ARHGEF7: variants seen among roughly 807,000 people sequenced by gnomAD.
The protein encoded by ARHGEF7 is PAK-interacting exchange factor beta.
ARHGEF7 carries 33 observed loss-of-function variants against 109.8 expected under a neutral mutation model. That is an observed-to-expected ratio of 0.30 (90% CI 0.23 to 0.40). The LOEUF is 0.40. Among genes scored for constraint, ARHGEF7 ranks in the 10% least tolerant of loss-of-function variants. ARHGEF7 has a pLI of 1.00. For synonymous variants in ARHGEF7, 458 were observed against 424.6 expected, an observed-to-expected ratio of 1.08 and a Z score of -0.97; for missense variants, 938 against 1,098.5, an observed-to-expected ratio of 0.85 and a Z score of 2.07.
chr13:111,136,706 C>T (rs1047662392), intron 1 of ARHGEF7, among the ~76,000 whole-genome samples: 4 of 152,154 alleles, frequency 2.6e-5, no homozygotes, highest in Non-Finnish European at 4.4e-5. Flanking sequence ...AGAGCAAACA[C>T]ATTCAAAAGC....
At chr13:111,283,594 A>C (rs1555401436) in intron 16 of ARHGEF7, among the ~76,000 whole-genome samples, 5 of 152,186 alleles carry the variant, frequency 3.3e-5, no homozygotes, top group Non-Finnish European at 7.4e-5. Context: ...TGCCATGCAC[A>C]GGGGGGCCTT....
intron 12 of ARHGEF7, chr13:111,275,975 C>T: frequency 2.6e-6 from 1 of 382,620 alleles, no homozygotes; most frequent in South Asian, 2.3e-5. Context: ...CCTGTGCACA[C>T]ATCCGCATGG....
At chr13:111,210,503 G>T (rs921697551) in intron 4 of ARHGEF7, among the ~76,000 whole-genome samples, 1 of 152,206 alleles carries the variant, frequency 6.6e-6, no homozygotes, top group Non-Finnish European at 1.5e-5. Flanking sequence ...TGATTGGGAC[G>T]CAGAGAAAGA....
chr13:111,133,256 C>T (rs1440957440), intron 1 of ARHGEF7, among the ~76,000 whole-genome samples: 3 of 151,868 alleles, frequency 2.0e-5, no homozygotes, highest in Admixed American at 6.6e-5. Context: ...CGCATATATA[C>T]ATACAGTATA....
At chr13:111,248,530 T>C (rs2089273731) in intron 8 of ARHGEF7, among the ~76,000 whole-genome samples, 1 of 152,330 alleles carries the variant, frequency 6.6e-6, no homozygotes, top group East Asian at 1.9e-4. Flanking sequence ...CTGGAGGTCC[T>C]GGATTTGCTC....
In ARHGEF7 at chr13:111,217,791, G is replaced by C. The variant is rs764919975; in HGVS notation, c.581G>C (p.Arg194Pro). The change falls in exon 5 of 22, where the codon CGT becomes CCT. Residue 194 changes from arginine to proline, a missense_variant. Physicochemically the swap from Arg to Pro is moderately radical, Grantham distance 103. Transcript: ENST00000646102. ...FSKGDVIHVT[R>P]VEEGGWWEGT... is the part of the protein sequence containing the mutation. ...AAAGGAGACGTCATCCATGTCACCC[G>C]TGTGGAAGAGGGAGGCTGGTGGGAG... The C allele has an allele frequency of 6.2e-7, 1 of 1,614,190 alleles. No homozygotes were observed. The highest frequency in any genetic ancestry group is 2.2e-5 in the East Asian group (1 of 44,884).
chr13:111,165,479 C>A (rs994355734), intron 2 of ARHGEF7, among the ~76,000 whole-genome samples: 4 of 152,188 alleles, frequency 2.6e-5, no homozygotes, highest in South Asian at 2.1e-4. Context: ...GTTTTGCCAC[C>A]GTGACAATGC....
rs1417458810 is a variant in ARHGEF7, at chr13:111,280,529, C to G, written c.1586-9C>G. The G allele has an allele frequency of 1.9e-6, 3 of 1,592,498 alleles. No individual in the cohort carries two copies. Among genetic ancestry groups the G allele is most frequent in the Non-Finnish European group, 2.6e-6 (3 of 1,170,574 alleles). On this transcript the variant is annotated splice_polypyrimidine_tract_variant and intron_variant, in intron 14 of 21. Coordinates refer to ENST00000646102, the MANE Select transcript of ARHGEF7 (RefSeq NM_001354046.2). ...TCCACTCGGCCTATTTTTTCCTTCT[C>G]TCCTATAGGGAGCATGATTGAGCGG...
intron 8 of ARHGEF7, chr13:111,265,515 C>T (rs2091543453): frequency 2.2e-6 from 1 of 455,986 alleles, no homozygotes; most frequent in Non-Finnish European, 4.4e-6. Flanking sequence ...GAAAGCAGTG[C>T]TCATGAAGGT....
At chr13:111,282,611 A>G (rs1328393905) in intron 15 of ARHGEF7, among the ~76,000 whole-genome samples, 2 of 152,224 alleles carry the variant, frequency 1.3e-5, no homozygotes, top group East Asian at 1.9e-4. Context: ...TTGGAACACA[A>G]CAGCAGTTTT....
chr13:111,183,057 T>G (rs1958096971), intron 2 of ARHGEF7, among the ~76,000 whole-genome samples: 1 of 152,160 alleles, frequency 6.6e-6, no homozygotes, highest in Non-Finnish European at 1.5e-5. Context: ...TCACGATGTT[T>G]TTCAGTTTAC....
intron 5 of ARHGEF7, among the ~76,000 whole-genome samples, chr13:111,223,843 A>G (rs1250746720): frequency 1.3e-5 from 2 of 150,140 alleles, no homozygotes; most frequent in South Asian, 2.1e-4. Flanking sequence ...GGTAAAACCC[A>G]TGGATTTCTA....
At chr13:111,270,681 A>C (rs937045589) in intron 9 of ARHGEF7, among the ~76,000 whole-genome samples, 1 of 152,330 alleles carries the variant, frequency 6.6e-6, no homozygotes, top group East Asian at 1.9e-4. Flanking sequence ...TGAAATATAA[A>C]TAATGACCTG....
At position 111,281,663 on chromosome 13, in the gene ARHGEF7, CGTGTGTTT is replaced by C. The variant is rs1459275118; in HGVS notation, c.1725+987_1725+994del. Among the ~76,000 whole-genome samples the C allele has an allele frequency of 1.5e-4, 23 of 152,262 alleles. No individual in the cohort carries two copies. In the South Asian group the frequency reaches 4.4e-3, roughly 29 times the overall value. The stretch of plus-strand genomic sequence containing the variant: ...TTTATCCCAGGGACGTGTGTGTACA[CGTGTGTTT>C]ATAAAGAACAGTGGATGAGCTGCTT... On this transcript the variant is annotated intron_variant, in intron 15 of 21. Transcript: ENST00000646102.
At chr13:111,241,833 G>A (rs2153541669) in intron 6 of ARHGEF7, among the ~76,000 whole-genome samples, 1 of 152,300 alleles carries the variant, frequency 6.6e-6, no homozygotes, top group East Asian at 1.9e-4. Flanking sequence ...TAATTAGGAA[G>A]CTAAATCATA....
At chr13:111,226,492 C>T (rs1476649482) in intron 5 of ARHGEF7, among the ~76,000 whole-genome samples, 1 of 152,182 alleles carries the variant, frequency 6.6e-6, no homozygotes, top group African/African-American at 2.4e-5. Flanking sequence ...ACCAACTTTG[C>T]CTCTCTGCGC....
At chr13:111,237,983 C>T (rs1291973724) in intron 6 of ARHGEF7, among the ~76,000 whole-genome samples, 5 of 152,202 alleles carry the variant, frequency 3.3e-5, no homozygotes, top group African/African-American at 1.2e-4. Context: ...GGGAGGAAGC[C>T]AGCGTGGAAC....
rs1291161318 is a variant in ARHGEF7 at position 111,221,377 on chromosome 13, C to A, written c.670+3497C>A. Among the ~76,000 whole-genome samples the A allele has an allele frequency of 1.7e-4, 3 of 17,640 alleles. 1 individual carries two copies. Among genetic ancestry groups the A allele is most frequent in the African/African-American group, 3.0e-4 (2 of 6,632 alleles). The allele number at this position is 17,640 out of a possible 152,430, so 11.6% of individuals were successfully genotyped here. On this transcript the variant is annotated intron_variant, in intron 5 of 21. Coordinates refer to ENST00000646102, the MANE Select transcript of ARHGEF7 (RefSeq NM_001354046.2). The stretch of plus-strand genomic sequence containing the variant: ...TCTATATATATATCTATATATATAT[C>A]TATATATATAGATGTCTATATATCT...
At chr13:111,150,677 C>T (rs1566631580) in intron 1 of ARHGEF7, among the ~76,000 whole-genome samples, 2 of 152,192 alleles carry the variant, frequency 1.3e-5, no homozygotes, top group South Asian at 2.1e-4. Flanking sequence ...TTCCAGTAGT[C>T]TGTCATGGTG....
Sources: gnomAD v4.1 joint callset for allele counts (sites outside exome capture counted in the v4.1 genomes callset) on GRCh38, gnomAD v4.1.1 for gene constraint, MANE v1.5 for transcripts, NCBI Gene and HGNC (gene_info 2026-07-23, HGNC 2026-07-21) for gene names.